Variants in PCDHGA1 observed in about 807,000 individuals in gnomAD.
The protein encoded by PCDHGA1 is protocadherin gamma subfamily A, 1.
In PCDHGA1, 32 loss-of-function variants were observed where a neutral mutation model predicts 58.0. The observed-to-expected ratio is 0.55, with a 90% CI of 0.42 to 0.74. The LOEUF (loss-of-function observed/expected upper bound fraction) is 0.74, where lower values mean the gene tolerates loss of function less well. PCDHGA1 is among the 30% of genes least tolerant of loss of function. The pLI, the probability that PCDHGA1 is intolerant of heterozygous loss-of-function variation, is 0.00. For missense variants in PCDHGA1, 1,205 were observed against 1,182.3 expected (o/e 1.02, Z -0.28); for synonymous variants, 498 against 501.1 (o/e 0.99, Z 0.08).
intron 1 of PCDHGA1, chr5:141,422,609 A>G: frequency 6.2e-7 from 1 of 1,613,882 alleles, no homozygotes; most frequent in Non-Finnish European, 8.5e-7. Context: ...TACTCTGCCT[A>G]CATTCCCGAA....
chr5:141,368,869 C>A (rs1351748629), intron 1 of PCDHGA1, among the ~76,000 whole-genome samples: 2 of 152,124 alleles, frequency 1.3e-5, no homozygotes, highest in Non-Finnish European at 2.9e-5. Context: ...TGTTTTGGAG[C>A]AAAGTCTTGA....
chr5:141,379,889 C>CTTTT lies in PCDHGA1; in HGVS notation c.2421+46811_2421+46814dup, dbSNP rs70988800. ...CTTATTTTATGGTCTGTGAAAGCCT[C>CTTTT]TTTTTTTTTTTTTTTTTTTTTTTTT... is the stretch of plus-strand genomic sequence containing the variant. On this transcript the variant is annotated intron_variant, in intron 1 of 3. Transcript: ENST00000517417. Among the ~76,000 whole-genome samples, 383 of 50,836 alleles carry CTTTT rather than the reference C, an allele frequency of 7.5e-3. 64 individuals are homozygous for CTTTT. The highest frequency in any genetic ancestry group is 9.2e-3 in the Non-Finnish European group (239 of 25,888). 33.4% of individuals were successfully genotyped at this position (50,836 alleles called of 152,430 possible). A position where few individuals can be genotyped will look rare whatever the true frequency, so the allele number is the denominator to read the frequency against.
Position 141,385,038 on chromosome 5 carries a change from G to A in PCDHGA1, c.2421+51933G>A, listed in dbSNP as rs377185831. The A allele has an allele frequency of 7.4e-6, 12 of 1,614,020 alleles. No individual in the cohort carries two copies. The African/African-American group carries it at 1.2e-4, about 16-fold the overall frequency. On this transcript the variant is annotated intron_variant, in intron 1 of 3. Transcript: ENST00000517417. ...TAGCCTTCGTCCTCGTACTGCTGGC[G>A]CTCAGGCTGCGGCGCTGGCACAAGT...
At chr5:141,446,831 T>C (rs1237079019) in intron 1 of PCDHGA1, among the ~76,000 whole-genome samples, 2 of 152,186 alleles carry the variant, frequency 1.3e-5, no homozygotes, top group East Asian at 3.9e-4. Context: ...TAGATCCTTA[T>C]AAGGCTGAGC....
intron 1 of PCDHGA1, chr5:141,414,424 G>C (rs762669763): frequency 1.2e-6 from 2 of 1,613,846 alleles, no homozygotes; most frequent in Non-Finnish European, 1.7e-6. Context: ...CCTTGACAGG[G>C]AACAGGTATC....
At chr5:141,353,567 T>C (rs903187033) in intron 1 of PCDHGA1, among the ~76,000 whole-genome samples, 1 of 152,246 alleles carries the variant, frequency 6.6e-6, no homozygotes, top group East Asian at 1.9e-4. Flanking sequence ...TCCCACTCTA[T>C]AATTTCAGTC....
intron 1 of PCDHGA1, chr5:141,398,010 G>A: frequency 7.1e-7 from 1 of 1,408,980 alleles, no homozygotes; most frequent in South Asian, 1.5e-5. Context: ...AAAAAGAATC[G>A]TTTCCTAAAC....
At chr5:141,355,485 C>T (rs1024041667) in intron 1 of PCDHGA1, 1 of 1,614,082 alleles carries the variant, frequency 6.2e-7, no homozygotes, top group Middle Eastern at 1.6e-4. Flanking sequence ...GGGAGGAGCT[C>T]TGCGACAGAT....
chr5:141,399,608 C>T (rs767025311), intron 1 of PCDHGA1: 3 of 1,613,962 alleles, frequency 1.9e-6, no homozygotes, highest in Non-Finnish European at 2.5e-6. Flanking sequence ...GACCTAGAGC[C>T]TCTGGCACTG....
At chr5:141,374,608 T>A in intron 1 of PCDHGA1, 1 of 1,613,602 alleles carries the variant, frequency 6.2e-7, no homozygotes, top group South Asian at 1.1e-5. Context: ...TCAGTGGTAA[T>A]AGTCACTTCT....
chr5:141,505,298 T>C, intron 2 of PCDHGA1, 95 bp from the exon 3 acceptor site: 1 of 1,586,334 alleles, frequency 6.3e-7, no homozygotes, highest in Non-Finnish European at 8.6e-7. Flanking sequence ...GGGGTAGGGT[T>C]AGGGTACTAG....
At chr5:141,422,058 A>G (rs1015726657) in intron 1 of PCDHGA1, 3 of 1,611,890 alleles carry the variant, frequency 1.9e-6, no homozygotes, top group African/African-American at 2.7e-5. Flanking sequence ...TCAACGGGGA[A>G]GTAATGTATT....
Position 141,487,059 on chromosome 5 carries a change from G to A in PCDHGA1, c.2422-7748G>A, listed in dbSNP as rs760836605. 1.7e-5 allele frequency: 27 copies of A among 1,613,952 alleles called. No homozygotes were observed. Among genetic ancestry groups the A allele is most frequent in the Non-Finnish European group, 2.0e-5 (24 of 1,179,994 alleles). On this transcript the variant is annotated intron_variant, in intron 1 of 3. Transcript: ENST00000517417. This position sits in a 1 kb window ranked among gnomAD's most constrained non-coding sequence, Gnocchi z 5.0. ...GTCTCTCGATATGCTGGGGAGGTGC[G>A]GACGGCTGTTCCTATCCCAGCTGAC...
chr5:141,389,906 T>A, intron 1 of PCDHGA1: 1 of 1,614,086 alleles, frequency 6.2e-7, no homozygotes, highest in Non-Finnish European at 8.5e-7. Context: ...CGGATATCAC[T>A]GACCGCCCCG....
At chr5:141,478,442 C>T in intron 1 of PCDHGA1, 1 of 1,613,608 alleles carries the variant, frequency 6.2e-7, no homozygotes, top group Non-Finnish European at 8.5e-7. Flanking sequence ...GCTGAAGAAA[C>T]CTGGTGCAGC....
chr5:141,356,155 G>A lies in PCDHGA1; in HGVS notation c.2421+23050G>A, dbSNP rs542430789. 3.1e-6 allele frequency: 5 copies of A among 1,613,388 alleles called. No homozygotes were observed. In the South Asian group the frequency reaches 5.5e-5, roughly 18 times the overall value. Reference sequence around the variant, plus strand: ...GGACTCTGGATTCTATGACATAGATGTAGAAGCCCATGATGGGCCTGGTCT... The same window carrying A: ...GGACTCTGGATTCTATGACATAGATATAGAAGCCCATGATGGGCCTGGTCT... On this transcript the variant is annotated intron_variant, in intron 1 of 3. Transcript: ENST00000517417.
At position 141,410,204 on chromosome 5, in the gene PCDHGA1, T is replaced by C. The variant is rs1212919717; in HGVS notation, c.2421+77099T>C. 11 of 1,613,954 alleles carry C rather than the reference T, an allele frequency of 6.8e-6. No homozygotes were observed. In the South Asian group the frequency reaches 9.9e-5, roughly 14 times the overall value. Reference sequence around the variant, plus strand: ...GCTTCATCTGGTCTTCGCAGACAACTTGCAAGAGATACTGCCAGACCTCAG... The same window carrying C: ...GCTTCATCTGGTCTTCGCAGACAACCTGCAAGAGATACTGCCAGACCTCAG... On this transcript the variant is annotated intron_variant, in intron 1 of 3. Transcript: ENST00000517417.
chr5:141,410,019 A>C, intron 1 of PCDHGA1: 2 of 1,613,204 alleles, frequency 1.2e-6, no homozygotes, highest in African/African-American at 2.7e-5. Context: ...TGGCTGTCCT[A>C]CCACGTGCTG....
At chr5:141,380,146 C>T (rs754635164) in intron 1 of PCDHGA1, among the ~76,000 whole-genome samples, 19 of 151,960 alleles carry the variant, frequency 1.3e-4, no homozygotes, top group African/African-American at 4.1e-4. Flanking sequence ...GTGATCCACC[C>T]GCCTCAGCCT....
Sources: gnomAD v4.1 joint callset for allele counts (sites outside exome capture counted in the v4.1 genomes callset) on GRCh38, gnomAD v4.1.1 for gene constraint, Gnocchi (gnomAD v3.1) non-coding constraint, MANE v1.5 for transcripts, NCBI Gene and HGNC (gene_info 2026-07-23, HGNC 2026-07-21) for gene names.